The following GDPD4 variants were observed in gnomAD, a reference collection of about 807,000 sequenced individuals.
The protein encoded by GDPD4 is glycerophosphodiester phosphodiesterase domain containing 4, also known as glycerophosphodiester phosphodiesterase 6.
GDPD4 carries 60 observed loss-of-function variants against 67.8 expected under a neutral mutation model. The ratio of observed to expected loss-of-function variants is 0.88; its 90% confidence interval spans 0.72 to 1.10. The LOEUF is 1.10. Among genes scored for constraint, GDPD4 ranks in the 50% least tolerant of loss-of-function variants. The probability of loss-of-function intolerance (pLI) is 0.00; values close to 1 mark genes in which losing one functional copy is unlikely to be tolerated. For missense variants in GDPD4, 623 were observed against 613.9 expected (o/e 1.01, Z -0.16); for synonymous variants, 212 against 210.9 (o/e 1.00, Z -0.04).
At chr11:77,248,180 G>A (rs912123787) in intron 11 of GDPD4, among the ~76,000 whole-genome samples, 1 of 150,788 alleles carries the variant, frequency 6.6e-6, no homozygotes, top group African/African-American at 2.4e-5. Context: ...GTAACTACAT[G>A]TGAACAACAA....
In GDPD4 at chr11:77,216,752, T is replaced by C. The variant is rs2135811752; in HGVS notation, c.*525A>G. The C allele has an allele frequency of 1.7e-6, 1 of 598,778 alleles. No individual in the cohort carries two copies. Among genetic ancestry groups the C allele is most frequent in the Non-Finnish European group, 3.0e-6 (1 of 337,756 alleles). 37.1% of individuals were successfully genotyped at this position (598,778 alleles called of 1,614,324 possible). On this transcript the variant is annotated 3_prime_UTR_variant, in exon 17 of 17. Coordinates refer to ENST00000315938, the MANE Select transcript of GDPD4 (RefSeq NM_182833.3). ...GTTCCCCTGAGAGCCTCCGTGGCCC[T>C]TCTGTGTGCCTTTATCAACCACTCC... is the stretch of plus-strand genomic sequence containing the variant.
intron 10 of GDPD4, among the ~76,000 whole-genome samples, chr11:77,262,597 C>T (rs1959139651): frequency 1.3e-5 from 2 of 151,966 alleles, no homozygotes; most frequent in African/African-American, 2.4e-5. Flanking sequence ...TTTTCAGATC[C>T]CATATTCCGG....
intron 11 of GDPD4, among the ~76,000 whole-genome samples, chr11:77,247,201 A>G (rs1250390831): frequency 1.3e-5 from 2 of 152,322 alleles, no homozygotes; most frequent in East Asian, 3.9e-4. Context: ...CATGGTTTAG[A>G]TCTGATTGAA....
chr11:77,252,682 T>G (rs1020587371), intron 11 of GDPD4, among the ~76,000 whole-genome samples: 1 of 152,160 alleles, frequency 6.6e-6, no homozygotes, highest in African/African-American at 2.4e-5. Flanking sequence ...GATTTTCACC[T>G]GCAGTTGGGT....
chr11:77,271,654 A>C (rs1313916309), intron 5 of GDPD4, among the ~76,000 whole-genome samples: 1 of 152,218 alleles, frequency 6.6e-6, no homozygotes, highest in Non-Finnish European at 1.5e-5. Flanking sequence ...TACCATTACT[A>C]ATTTACTATC....
chr11:77,243,938 C>CA, intron 12 of GDPD4, 90 bp from the exon 13 acceptor site: 1 of 815,158 alleles, frequency 1.2e-6, no homozygotes, highest in South Asian at 1.6e-5. Context: ...TCCATTCCAG[C>CA]ACAGGTAGTA....
At chr11:77,254,088 C>G (rs1240984421) in intron 11 of GDPD4, among the ~76,000 whole-genome samples, 2 of 152,138 alleles carry the variant, frequency 1.3e-5, no homozygotes, top group South Asian at 2.1e-4. Flanking sequence ...TGAGTAGTTC[C>G]AAGATGGCAT....
At chr11:77,252,069 T>G (rs548137841) in intron 11 of GDPD4, among the ~76,000 whole-genome samples, 48 of 143,274 alleles carry the variant, frequency 3.4e-4, no homozygotes, top group African/African-American at 1.0e-3. Flanking sequence ...TTTTTTGTTT[T>G]TTTTTTTTTT....
intron 2 of GDPD4, among the ~76,000 whole-genome samples, chr11:77,285,952 A>G (rs1476973730): frequency 6.6e-6 from 1 of 152,226 alleles, no homozygotes. Flanking sequence ...CGTCCTCCAC[A>G]CAATCAAATA....
chr11:77,239,120 A>G (rs1338030945), intron 13 of GDPD4, among the ~76,000 whole-genome samples: 1 of 152,246 alleles, frequency 6.6e-6, no homozygotes, highest in Non-Finnish European at 1.5e-5. Context: ...TAGATATAGA[A>G]AAAGCGTTTA....
intron 10 of GDPD4, among the ~76,000 whole-genome samples, chr11:77,263,696 T>C (rs1959162223): frequency 6.6e-6 from 1 of 152,182 alleles, no homozygotes; most frequent in African/African-American, 2.4e-5. Context: ...TAAGATAGTA[T>C]TACTGATTTT....
intron 5 of GDPD4, among the ~76,000 whole-genome samples, chr11:77,273,564 C>G (rs1959315227): frequency 6.6e-6 from 1 of 152,144 alleles, no homozygotes; most frequent in Non-Finnish European, 1.5e-5. Flanking sequence ...TCTAAGGGTG[C>G]TAGACAAGGA....
Position 77,216,752 on chromosome 11 carries a change from T to A in GDPD4, c.*525A>T. 1 of 598,778 alleles carries A rather than the reference T, an allele frequency of 1.7e-6. No individual in the cohort carries two copies. Among genetic ancestry groups the A allele is most frequent in the Non-Finnish European group, 3.0e-6 (1 of 337,756 alleles). The allele number at this position is 598,778 out of a possible 1,614,324, so 37.1% of individuals were successfully genotyped here. A position where few individuals can be genotyped will look rare whatever the true frequency, so the allele number is the denominator to read the frequency against. On this transcript the variant is annotated 3_prime_UTR_variant, in exon 17 of 17. Coordinates refer to ENST00000315938, the MANE Select transcript of GDPD4 (RefSeq NM_182833.3). Reference sequence around the variant, plus strand: ...GTTCCCCTGAGAGCCTCCGTGGCCCTTCTGTGTGCCTTTATCAACCACTCC... The same window carrying A: ...GTTCCCCTGAGAGCCTCCGTGGCCCATCTGTGTGCCTTTATCAACCACTCC...
chr11:77,276,403 C>T (rs1392159181), intron 4 of GDPD4, among the ~76,000 whole-genome samples, 183 bp from the exon 5 acceptor site: 1 of 152,188 alleles, frequency 6.6e-6, no homozygotes, highest in Non-Finnish European at 1.5e-5. Context: ...CTCCCTCTCC[C>T]TATGCCACTG....
chr11:77,232,119 C>T (rs527922756), intron 14 of GDPD4, among the ~76,000 whole-genome samples: 1 of 152,312 alleles, frequency 6.6e-6, no homozygotes, highest in African/African-American at 2.4e-5. Flanking sequence ...AAGGCTTTAA[C>T]TTTCAAGGCC....
intron 5 of GDPD4, among the ~76,000 whole-genome samples, chr11:77,273,134 G>A (rs1052831658): frequency 6.6e-6 from 1 of 152,142 alleles, no homozygotes; most frequent in African/African-American, 2.4e-5. Context: ...TGTTTACCAG[G>A]AGGTCAGGTT....
At chr11:77,284,411 T>C (rs1959899950) in intron 3 of GDPD4, among the ~76,000 whole-genome samples, 1 of 152,236 alleles carries the variant, frequency 6.6e-6, no homozygotes, top group Non-Finnish European at 1.5e-5. Flanking sequence ...ATTTTCTAAC[T>C]TTTTGCATTT....
At chr11:77,232,322 A>G (rs527846333) in intron 14 of GDPD4, among the ~76,000 whole-genome samples, 21 of 152,240 alleles carry the variant, frequency 1.4e-4, no homozygotes, top group Non-Finnish European at 2.6e-4. Context: ...CAGCGAAATT[A>G]AACTGTTTTC....
At chr11:77,253,620 C>A (rs900177976) in intron 11 of GDPD4, among the ~76,000 whole-genome samples, 1 of 152,146 alleles carries the variant, frequency 6.6e-6, no homozygotes, top group African/African-American at 2.4e-5. Flanking sequence ...GTTAGCTCAG[C>A]CATGGAACGT....
Sources: allele counts gnomAD v4.1 joint callset (sites outside exome capture counted in the v4.1 genomes callset), GRCh38; gene constraint gnomAD v4.1.1; transcripts MANE v1.5; gene names NCBI Gene and HGNC (gene_info 2026-07-23, HGNC 2026-07-21).